Variants in SEPTIN6 observed in about 807,000 individuals in gnomAD.
SEPTIN6 encodes the protein septin-6.
SEPTIN6 carries 8 observed loss-of-function variants against 33.6 expected under a neutral mutation model. That is an observed-to-expected ratio of 0.24 (90% CI 0.14 to 0.43). SEPTIN6 has a LOEUF of 0.43. SEPTIN6 is among the 20% of genes least tolerant of loss of function. The pLI, the probability that SEPTIN6 is intolerant of heterozygous loss-of-function variation, is 1.00. For missense variants in SEPTIN6, 250 were observed against 340.8 expected (o/e 0.73, Z 2.10); for synonymous variants, 131 against 140.0 (o/e 0.94, Z 0.45).
Position 119,663,613 on chromosome X carries a change from C to A in SEPTIN6, c.210G>T (p.Glu70Asp), listed in dbSNP as rs1321809903. 8.3e-7 allele frequency: 1 copy of A among 1,211,113 alleles called. No individual in the cohort carries two copies. The highest frequency in any genetic ancestry group is 1.1e-6 in the Non-Finnish European group (1 of 895,266). The stretch of plus-strand genomic sequence containing the variant: ...CACCCGGCTGTGTGTGGGTGGCTGG[C>A]TCCCCTTCGAATTTGGTGTTGAACA... ...DTLFNTKFEGEPATHTQPGVQ... is the reference protein window; with the variant it reads ...DTLFNTKFEGDPATHTQPGVQ... Residue 70 changes from glutamate (E) to aspartate (D), a missense_variant, in exon 3 of 11, where the codon GAG becomes GAT. Coordinates refer to ENST00000394610, the MANE Select transcript of SEPTIN6 (RefSeq NM_145799.4).
intron 1 of SEPTIN6, among the ~76,000 whole-genome samples, chrX:119,690,342 TACACATACACACAC>T (rs1246764457): frequency 4.3e-5 from 3 of 69,377 alleles, no homozygotes; most frequent in South Asian, 1.4e-3. Context: ...CCCACATACA[TACACATACACACAC>T]ACACACACAC....
downstream of SEPTIN6, chrX:119,616,856 G>C: frequency 9.2e-7 from 1 of 1,083,320 alleles, no homozygotes; most frequent in Middle Eastern, 2.5e-4. Flanking sequence ...AGATTGTAGT[G>C]TGAGAAGACA....
intron 5 of SEPTIN6, among the ~76,000 whole-genome samples, chrX:119,648,140 T>C (rs1475563143): frequency 3.6e-5 from 4 of 109,780 alleles, no homozygotes; most frequent in African/African-American, 1.3e-4. Context: ...AGGTTGAGCC[T>C]ACCCTAGGCT....
chrX:119,632,194 G>A (rs1405203440), intron 8 of SEPTIN6, among the ~76,000 whole-genome samples: 1 of 107,352 alleles, frequency 9.3e-6, no homozygotes, highest in African/African-American at 3.4e-5. Context: ...CAAGGCACCT[G>A]TCTGACATTT....
chrX:119,664,313 A>G (rs1336650741), intron 2 of SEPTIN6, among the ~76,000 whole-genome samples: 1 of 111,353 alleles, frequency 9.0e-6, no homozygotes, highest in East Asian at 2.8e-4. Flanking sequence ...TCAGAAAAAG[A>G]AATTATGTTA....
chrX:119,666,365 A>G (rs2054639754), intron 2 of SEPTIN6, among the ~76,000 whole-genome samples: 2 of 111,980 alleles, frequency 1.8e-5, no homozygotes, highest in African/African-American at 3.2e-5. Flanking sequence ...TTAGAGCTAC[A>G]TGATGCAGAA....
At chrX:119,647,969 T>A (rs915868858) in intron 5 of SEPTIN6, among the ~76,000 whole-genome samples, 6 of 103,142 alleles carry the variant, frequency 5.8e-5, no homozygotes, top group African/African-American at 1.5e-4. Context: ...TAATTTTTTT[T>A]AAATTTCAGT....
rs1024258563 is a variant in SEPTIN6, at chrX:119,643,512, CCT to C, written c.691-2726_691-2725del. Among the ~76,000 whole-genome samples, 3 of 110,947 alleles carry C rather than the reference CCT, an allele frequency of 2.7e-5. No homozygotes were observed. The Admixed American group carries it at 2.9e-4, about 11-fold the overall frequency. On this transcript the variant is annotated intron_variant, in intron 5 of 10. Coordinates refer to ENST00000394610, the MANE Select transcript of SEPTIN6 (RefSeq NM_145799.4). ...AGAATGATAGGGTGACTTGCTTCCC[CCT>C]CTTTCTCAAACTGCTGTCATTTTAT... is the stretch of plus-strand genomic sequence containing the variant.
intron 5 of SEPTIN6, among the ~76,000 whole-genome samples, chrX:119,649,111 ATTTTTTTT>A (rs200217501): frequency 1.3e-5 from 1 of 75,714 alleles, no homozygotes; most frequent in Non-Finnish European, 2.4e-5. Flanking sequence ...CATAACGCTG[ATTTTTTTT>A]TTTTTTTTTT....
At chrX:119,670,661 G>A (rs917619397) in intron 2 of SEPTIN6, among the ~76,000 whole-genome samples, 5 of 107,909 alleles carry the variant, frequency 4.6e-5, no homozygotes, top group African/African-American at 1.0e-4. Context: ...ATTCTCGGCC[G>A]GACGCAGTGG....
chrX:119,654,874 A>G (rs1185347557), intron 3 of SEPTIN6, among the ~76,000 whole-genome samples: 1 of 111,247 alleles, frequency 9.0e-6, no homozygotes, highest in Non-Finnish European at 1.9e-5. Context: ...CGCATCAAAG[A>G]ATCTCTTGGT....
intron 5 of SEPTIN6, among the ~76,000 whole-genome samples, chrX:119,647,483 C>CTTTTTTTTTTTTTTTTTTTTT (rs61037430): frequency 2.7e-5 from 2 of 74,408 alleles, no homozygotes; most frequent in Non-Finnish European, 4.7e-5. Context: ...TTCTCTCTCT[C>CTTTTTTTTTTTTTTTTTTTTT]TTTTTTTTTT....
chrX:119,681,330 C>T (rs1467929838), intron 1 of SEPTIN6, among the ~76,000 whole-genome samples: 1 of 111,379 alleles, frequency 9.0e-6, no homozygotes, highest in Non-Finnish European at 1.9e-5. Flanking sequence ...ACAATGTGCA[C>T]GAGAGGAGAT....
chrX:119,636,996 C>A (rs1569424042), intron 7 of SEPTIN6, 31 bp downstream of exon 7: 1 of 1,194,382 alleles, frequency 8.4e-7, no homozygotes, highest in African/African-American at 1.7e-5. Flanking sequence ...CTGAGCTGGG[C>A]TGGGCTGGGC....
intron 4 of SEPTIN6, 99 bp downstream of exon 4, chrX:119,652,755 G>T: frequency 1.5e-6 from 1 of 663,432 alleles, no homozygotes; most frequent in Non-Finnish European, 2.3e-6. Flanking sequence ...TGAGGGAGAG[G>T]ATGAGGATGC....
chrX:119,625,865 C>T (rs1166005302), intron 9 of SEPTIN6, among the ~76,000 whole-genome samples: 1 of 111,677 alleles, frequency 9.0e-6, no homozygotes, highest in Non-Finnish European at 1.9e-5. Flanking sequence ...CTTTCTTAAT[C>T]TCTTTAGGGG....
At chrX:119,625,529 T>C in intron 9 of SEPTIN6, 150 bp from the exon 10 acceptor site, 1 of 457,391 alleles carries the variant, frequency 2.2e-6, no homozygotes, top group Non-Finnish European at 3.8e-6. Context: ...TAGGAACCCC[T>C]GAAACACTGA....
rs1010427356 is a variant in SEPTIN6, at chrX:119,668,220, C to T, written c.146-4543G>A. On this transcript the variant is annotated intron_variant, in intron 2 of 10. Coordinates refer to ENST00000394610, the MANE Select transcript of SEPTIN6 (RefSeq NM_145799.4). ...CTGAGGGTGGAGAATCGTTTGAACC[C>T]GGGAGGCGGAGGTTGCAGTGAGCAG... Among the ~76,000 whole-genome samples, 8 of 110,408 alleles carry T rather than the reference C, an allele frequency of 7.2e-5. No individual in the cohort carries two copies. In the East Asian group the frequency reaches 1.1e-3, roughly 16 times the overall value.
At chrX:119,632,989 A>T (rs1328439442) in intron 8 of SEPTIN6, among the ~76,000 whole-genome samples, 2 of 112,632 alleles carry the variant, frequency 1.8e-5, no homozygotes, top group Non-Finnish European at 3.8e-5. Context: ...AGCTCCACTC[A>T]TGTCCTTCTA....
Sources: gnomAD v4.1 joint callset for allele counts (sites outside exome capture counted in the v4.1 genomes callset) on GRCh38, gnomAD v4.1.1 for gene constraint, MANE v1.5 for transcripts, NCBI Gene and HGNC (gene_info 2026-07-23, HGNC 2026-07-21) for gene names.